EFNA5: variants seen among roughly 807,000 people sequenced by gnomAD.
EFNA5 encodes ephrin A5.
EFNA5 carries 5 observed loss-of-function variants against 22.9 expected under a neutral mutation model. The ratio of observed to expected loss-of-function variants is 0.22; its 90% CI spans 0.11 to 0.46. The LOEUF (loss-of-function observed/expected upper bound fraction) is 0.46. Ranked by LOEUF, EFNA5 falls within the 20% of genes least tolerant of loss-of-function variation. The probability of loss-of-function intolerance (pLI) is 0.99; values close to 1 mark genes in which losing one functional copy is unlikely to be tolerated. For synonymous variants in EFNA5, 113 were observed against 112.2 expected, an observed-to-expected ratio of 1.01 and a Z score of -0.04; for missense variants, 237 against 293.3, an observed-to-expected ratio of 0.81 and a Z score of 1.40.
intron 1 of EFNA5, among the ~76,000 whole-genome samples, chr5:107,459,443 G>A (rs1386320729): frequency 6.6e-6 from 1 of 151,786 alleles, no homozygotes; most frequent in African/African-American, 2.4e-5. Flanking sequence ...AAAAATAGAT[G>A]GTTAAAGTGA....
intron 1 of EFNA5, among the ~76,000 whole-genome samples, chr5:107,562,696 A>G (rs914457082): frequency 6.6e-6 from 1 of 152,372 alleles, no homozygotes; most frequent in Admixed American, 6.5e-5. Context: ...AACTGTGTTG[A>G]GTACCTACTG....
At chr5:107,520,649 C>A (rs1276610121) in intron 1 of EFNA5, among the ~76,000 whole-genome samples, 1 of 152,214 alleles carries the variant, frequency 6.6e-6, no homozygotes, top group Non-Finnish European at 1.5e-5. Context: ...CCGAATAAGT[C>A]TGCCATCTTA....
Position 107,593,099 on chromosome 5 carries a change from CTG to C in EFNA5, c.125+77388_125+77389del, listed in dbSNP as rs571724391. 1.4e-4 allele frequency among the ~76,000 whole-genome samples: 22 copies of C among 152,288 alleles called. No individual in the cohort carries two copies. In the East Asian group the frequency reaches 3.3e-3, roughly 23 times the overall value. On this transcript the variant is annotated intron_variant, in intron 1 of 4. Coordinates refer to ENST00000333274, the MANE Select transcript of EFNA5 (RefSeq NM_001962.3). ...CTCCTAGTTAGCAGTTCTTATGTAA[CTG>C]TTTGCTATGTCCATGGCTATACATC...
intron 1 of EFNA5, among the ~76,000 whole-genome samples, chr5:107,491,570 C>A (rs1746807762): frequency 6.6e-6 from 1 of 152,198 alleles, no homozygotes; most frequent in Admixed American, 6.5e-5. Flanking sequence ...CTTGGCCTCC[C>A]AAAGTGCTGG....
At chr5:107,665,674 TTGAG>T (rs1751051117) in intron 1 of EFNA5, among the ~76,000 whole-genome samples, 1 of 152,190 alleles carries the variant, frequency 6.6e-6, no homozygotes, top group Admixed American at 6.5e-5. Flanking sequence ...AATCAGACAG[TTGAG>T]TATTTCTGAT....
At chr5:107,582,515 GA>G (rs1749094568) in intron 1 of EFNA5, among the ~76,000 whole-genome samples, 1 of 152,118 alleles carries the variant, frequency 6.6e-6, no homozygotes, top group South Asian at 2.1e-4. Flanking sequence ...AGCTAAACAA[GA>G]AATGTGGTAT....
rs1397092143 is a variant in EFNA5 at position 107,597,778 on chromosome 5, G to A, written c.125+72711C>T. 2.6e-5 allele frequency among the ~76,000 whole-genome samples: 4 copies of A among 152,132 alleles called. No individual in the cohort carries two copies. The East Asian group carries it at 5.8e-4, about 22-fold the overall frequency. On this transcript the variant is annotated intron_variant, in intron 1 of 4. Coordinates refer to ENST00000333274, the MANE Select transcript of EFNA5 (RefSeq NM_001962.3). ...ACCAGAGATTTTCAACATGATAAAG[G>A]GGAAACGATATATATTCAATTTTTA...
At chr5:107,455,296 C>G (rs1749668191) in intron 1 of EFNA5, among the ~76,000 whole-genome samples, 1 of 152,250 alleles carries the variant, frequency 6.6e-6, no homozygotes, top group African/African-American at 2.4e-5. Context: ...TAAACAAAAC[C>G]TTACATCCTG....
chr5:107,631,252 TACAA>T (rs1295749995), intron 1 of EFNA5, among the ~76,000 whole-genome samples: 10 of 104,738 alleles, frequency 9.5e-5, no homozygotes. Context: ...AGGGCCTGAC[TACAA>T]ACACACACAC....
intron 1 of EFNA5, among the ~76,000 whole-genome samples, chr5:107,545,922 G>C (rs1335267224): frequency 6.6e-6 from 1 of 152,108 alleles, no homozygotes; most frequent in Non-Finnish European, 1.5e-5. Context: ...GTCTGTAGCA[G>C]TTTGAAAACA....
At chr5:107,594,615 C>CAAATT (rs1221406262) in intron 1 of EFNA5, among the ~76,000 whole-genome samples, 3 of 152,156 alleles carry the variant, frequency 2.0e-5, no homozygotes, top group Admixed American at 2.0e-4. Flanking sequence ...CCCCTATCAT[C>CAAATT]AAATTTTACT....
intron 1 of EFNA5, among the ~76,000 whole-genome samples, chr5:107,577,583 G>A (rs1280647689): frequency 6.6e-6 from 1 of 152,124 alleles, no homozygotes; most frequent in African/African-American, 2.4e-5. Context: ...GGAAAGAATG[G>A]CCAGGCTTAC....
chr5:107,468,789 G>C (rs1274458625), intron 1 of EFNA5, among the ~76,000 whole-genome samples: 2 of 144,330 alleles, frequency 1.4e-5, no homozygotes, highest in Non-Finnish European at 3.0e-5. Flanking sequence ...ATAAACAATT[G>C]AAAAGGAAAA....
chr5:107,668,531 C>T (rs1751120101), intron 1 of EFNA5, among the ~76,000 whole-genome samples: 2 of 152,008 alleles, frequency 1.3e-5, no homozygotes, highest in South Asian at 4.2e-4. Flanking sequence ...CGTTTTAACC[C>T]AGGAAGACTG....
intron 1 of EFNA5, among the ~76,000 whole-genome samples, chr5:107,523,972 T>C (rs1747646365): frequency 6.6e-6 from 1 of 152,212 alleles, no homozygotes; most frequent in Non-Finnish European, 1.5e-5. Flanking sequence ...TCAGGTTGGG[T>C]TCTGAATGAA....
At chr5:107,554,166 T>C (rs1580527381) in intron 1 of EFNA5, among the ~76,000 whole-genome samples, 1 of 152,338 alleles carries the variant, frequency 6.6e-6, no homozygotes, top group South Asian at 2.1e-4. Context: ...TATAATTTGT[T>C]AGCACTGTTT....
In EFNA5 at chr5:107,569,966, G is replaced by A. The variant is rs73198661; in HGVS notation, c.125+100523C>T. Among the ~76,000 whole-genome samples, 1,464 of 151,498 alleles carry A rather than the reference G, an allele frequency of 9.7e-3. 18 individuals are homozygous for A. The highest frequency in any genetic ancestry group is 0.032 in the African/African-American group (1,323 of 41,278). On this transcript the variant is annotated intron_variant, in intron 1 of 4. Coordinates refer to ENST00000333274, the MANE Select transcript of EFNA5 (RefSeq NM_001962.3). ...TTTATTTTGAATTAAAATATCAGAAGATCACTGACAGGGAAAAAAAAGTAG... is the reference window on the plus strand; with the variant it reads ...TTTATTTTGAATTAAAATATCAGAAAATCACTGACAGGGAAAAAAAAGTAG...
chr5:107,399,029 C>T (rs1239110919), intron 2 of EFNA5, among the ~76,000 whole-genome samples: 3 of 152,126 alleles, frequency 2.0e-5, no homozygotes, highest in African/African-American at 4.8e-5. Flanking sequence ...CCTGCCCACA[C>T]TGCTGGCTCC....
In EFNA5 at chr5:107,394,428, A is replaced by G. The variant is rs181434053; in HGVS notation, c.419-6657T>C. On this transcript the variant is annotated intron_variant, in intron 2 of 4. Transcript: ENST00000333274. ...GACTCTGGGGATGTTTCTTTTAAAA[A>G]CCAGAATAAGAAAAGGGATGTGTTT... 9.6e-4 allele frequency among the ~76,000 whole-genome samples: 146 copies of G among 152,292 alleles called. 2 individuals carry two copies. Among genetic ancestry groups the G allele is most frequent in the Non-Finnish European group, 1.6e-3 (109 of 68,026 alleles).
Sources: allele counts gnomAD v4.1 joint callset (sites outside exome capture counted in the v4.1 genomes callset), GRCh38; gene constraint gnomAD v4.1.1; transcripts MANE v1.5; gene names NCBI Gene and HGNC (gene_info 2026-07-23, HGNC 2026-07-21).